Variants in LRRC4C observed in about 807,000 individuals in gnomAD.
The protein encoded by LRRC4C is leucine rich repeat containing 4C.
Under a neutral mutation model 33.6 loss-of-function variants are expected in LRRC4C, and 5 were observed. That is an observed-to-expected ratio of 0.15 (90% CI 0.08 to 0.31). The LOEUF (loss-of-function observed/expected upper bound fraction) is 0.31, where lower values mean the gene tolerates loss of function less well. Ranked by LOEUF, LRRC4C falls within the 10% of genes least tolerant of loss-of-function variation. LRRC4C has a pLI of 1.00. For missense variants in LRRC4C, 560 were observed against 796.7 expected, an observed-to-expected ratio of 0.70 and a Z score of 3.58; for synonymous variants, 329 against 302.0, an observed-to-expected ratio of 1.09 and a Z score of -0.93.
intron 3 of LRRC4C, among the ~76,000 whole-genome samples, chr11:40,415,313 C>T (rs975479858): frequency 6.6e-6 from 1 of 152,180 alleles, no homozygotes; most frequent in Non-Finnish European, 1.5e-5. Context: ...TTAATGCTCT[C>T]TCATTGCTAT....
At chr11:40,590,069 G>A (rs1958966048) in intron 3 of LRRC4C, among the ~76,000 whole-genome samples, 1 of 151,542 alleles carries the variant, frequency 6.6e-6, no homozygotes, top group Non-Finnish European at 1.5e-5. Flanking sequence ...ATCCTGCAGA[G>A]TGTTTTCCAA....
intron 1 of LRRC4C, among the ~76,000 whole-genome samples, chr11:41,203,289 G>A (rs559427438): frequency 1.3e-5 from 2 of 152,100 alleles, no homozygotes; most frequent in Non-Finnish European, 2.9e-5. Flanking sequence ...CAGAAATCTA[G>A]ACCATACTGA....
At chr11:40,997,457 A>G (rs1285106537) in intron 1 of LRRC4C, among the ~76,000 whole-genome samples, 1 of 152,156 alleles carries the variant, frequency 6.6e-6, no homozygotes, top group African/African-American at 2.4e-5. Flanking sequence ...CTTGAAGTGC[A>G]TAAGTGATCT....
At chr11:40,437,300 G>A (rs554154781) in intron 3 of LRRC4C, among the ~76,000 whole-genome samples, 24 of 152,176 alleles carry the variant, frequency 1.6e-4, no homozygotes, top group South Asian at 6.2e-4. Flanking sequence ...ACTCCCTACA[G>A]TCTGTTTTCC....
chr11:40,831,890 G>A (rs1952431404), intron 2 of LRRC4C, among the ~76,000 whole-genome samples: 1 of 151,930 alleles, frequency 6.6e-6, no homozygotes, highest in Admixed American at 6.6e-5. Context: ...GGGATTATAA[G>A]GTCTGTAATT....
At chr11:40,245,801 G>A (rs969316198) in intron 4 of LRRC4C, among the ~76,000 whole-genome samples, 16 of 151,780 alleles carry the variant, frequency 1.1e-4, no homozygotes, top group African/African-American at 2.7e-4. Context: ...GCTACCACTA[G>A]CATTGTGCTT....
chr11:41,213,755 C>A (rs79455363), intron 1 of LRRC4C, among the ~76,000 whole-genome samples: 1 of 152,300 alleles, frequency 6.6e-6, no homozygotes, highest in East Asian at 1.9e-4. Context: ...TTACATTTAT[C>A]TTCTCTTTGA....
intron 3 of LRRC4C, among the ~76,000 whole-genome samples, chr11:40,351,166 T>C (rs1315847509): frequency 6.6e-6 from 1 of 152,068 alleles, no homozygotes; most frequent in East Asian, 1.9e-4. Flanking sequence ...CCACTGATCA[T>C]TCAGGAACAT....
intron 1 of LRRC4C, among the ~76,000 whole-genome samples, chr11:41,048,390 G>T (rs1857953574): frequency 6.7e-6 from 1 of 150,228 alleles, no homozygotes; most frequent in South Asian, 2.1e-4. Context: ...TCAGCCTCCT[G>T]AGTAGCTGGG....
At chr11:40,959,200 G>A (rs1959088037) in intron 1 of LRRC4C, among the ~76,000 whole-genome samples, 1 of 151,732 alleles carries the variant, frequency 6.6e-6, no homozygotes, top group East Asian at 1.9e-4. Context: ...GATTAGGTGA[G>A]CTCATTGCAG....
chr11:40,608,349 C>A (rs1479994425), intron 3 of LRRC4C, among the ~76,000 whole-genome samples: 1 of 151,330 alleles, frequency 6.6e-6, no homozygotes, highest in African/African-American at 2.4e-5. Flanking sequence ...TTATCTAAGC[C>A]CTATAATAAC....
intron 2 of LRRC4C, among the ~76,000 whole-genome samples, chr11:40,668,621 G>T (rs1002971905): frequency 3.1e-4 from 47 of 152,284 alleles, no homozygotes; most frequent in African/African-American, 1.1e-3. Context: ...CCTGAGCAAA[G>T]CTCTGTTTCT....
chr11:41,058,714 C>G (rs376522844), intron 1 of LRRC4C, among the ~76,000 whole-genome samples: 37 of 152,282 alleles, frequency 2.4e-4, no homozygotes, highest in African/African-American at 8.4e-4. Flanking sequence ...TGATAATGTA[C>G]TCAAAGGAAT....
intron 3 of LRRC4C, among the ~76,000 whole-genome samples, chr11:40,379,924 G>A (rs1948799562): frequency 6.6e-6 from 1 of 152,128 alleles, no homozygotes; most frequent in Admixed American, 6.5e-5. Context: ...GCAGAGCTGA[G>A]CAACCTGTGT....
intron 1 of LRRC4C, among the ~76,000 whole-genome samples, chr11:40,949,503 C>T (rs563306892): frequency 6.5e-4 from 99 of 152,160 alleles, no homozygotes; most frequent in African/African-American, 2.3e-3. Flanking sequence ...GCCCATCAGA[C>T]TAACAGCGGA....
chr11:40,299,279 T>C (rs147799224), intron 4 of LRRC4C, among the ~76,000 whole-genome samples: 3 of 152,208 alleles, frequency 2.0e-5, no homozygotes, highest in Non-Finnish European at 4.4e-5. Context: ...TGATAGCACC[T>C]GTTGATGCTG....
At chr11:40,518,829 G>A (rs1044768059) in intron 3 of LRRC4C, among the ~76,000 whole-genome samples, 1 of 152,068 alleles carries the variant, frequency 6.6e-6, no homozygotes, top group Admixed American at 6.6e-5. Flanking sequence ...CAATAGCAAA[G>A]ACTTGGAGCC....
chr11:41,179,512 C>T (rs1302192084), intron 1 of LRRC4C, among the ~76,000 whole-genome samples: 1 of 152,122 alleles, frequency 6.6e-6, no homozygotes, highest in Admixed American at 6.6e-5. Flanking sequence ...TAATTCACCC[C>T]AACAACAGTT....
chr11:41,338,737 T>G (rs1951536286), intron 1 of LRRC4C, among the ~76,000 whole-genome samples: 1 of 152,068 alleles, frequency 6.6e-6, no homozygotes, highest in Non-Finnish European at 1.5e-5. Context: ...AAATAAATGC[T>G]TGGCATTGTA....
Sources: allele counts gnomAD v4.1 joint callset (sites outside exome capture counted in the v4.1 genomes callset), GRCh38; gene constraint gnomAD v4.1.1; transcripts MANE v1.5; gene names NCBI Gene and HGNC (gene_info 2026-07-23, HGNC 2026-07-21).